The following PARD3B variants were observed in gnomAD, a reference collection of about 807,000 sequenced individuals.
PARD3B encodes the protein partitioning defective 3 homolog B.
PARD3B carries 103 observed loss-of-function variants against 130.2 expected under a neutral mutation model. The ratio of observed to expected loss-of-function variants is 0.79; its 90% CI spans 0.67 to 0.93. The LOEUF (loss-of-function observed/expected upper bound fraction) is 0.93, where lower values mean the gene tolerates loss of function less well. Among genes scored for constraint, PARD3B ranks in the 40% least tolerant of loss-of-function variants. The pLI is 0.00. For missense variants in PARD3B, 1,609 were observed against 1,499.2 expected, an observed-to-expected ratio of 1.07 and a Z score of -1.21; for synonymous variants, 583 against 553.2, an observed-to-expected ratio of 1.05 and a Z score of -0.76.
At chr2:204,559,779 C>T (rs771836907) in intron 1 of PARD3B, among the ~76,000 whole-genome samples, 2 of 152,164 alleles carry the variant, frequency 1.3e-5, no homozygotes, top group Non-Finnish European at 2.9e-5. Flanking sequence ...CAAAGACTTG[C>T]AACCAACCCA....
intron 2 of PARD3B, among the ~76,000 whole-genome samples, chr2:204,819,569 C>A (rs2043263314): frequency 6.6e-6 from 1 of 152,146 alleles, no homozygotes; most frequent in South Asian, 2.1e-4. Flanking sequence ...AAGGAAGAGT[C>A]ATACATCTCT....
chr2:205,449,242 G>C (rs1450942713), intron 20 of PARD3B, among the ~76,000 whole-genome samples: 1 of 134,646 alleles, frequency 7.4e-6, no homozygotes, highest in African/African-American at 2.7e-5. Context: ...TTTTTTTGTT[G>C]TTTGGAGACA....
Position 204,787,580 on chromosome 2 carries a change from G to T in PARD3B, c.222+101298G>T, listed in dbSNP as rs549389227. 2.0e-4 allele frequency among the ~76,000 whole-genome samples: 30 copies of T among 152,222 alleles called. No homozygotes were observed. The East Asian group carries it at 3.9e-3, about 20-fold the overall frequency. ...CATGATACTAGCAAAGGTAGGCCTT[G>T]TTTCCCATGACCATGTAAGTGAAAG... On this transcript the variant is annotated intron_variant, in intron 2 of 22. Coordinates refer to ENST00000406610, the MANE Select transcript of PARD3B (RefSeq NM_001302769.2).
intron 4 of PARD3B, among the ~76,000 whole-genome samples, chr2:205,076,551 T>G (rs1410660678): frequency 1.3e-5 from 2 of 152,168 alleles, no homozygotes; most frequent in Non-Finnish European, 2.9e-5. Flanking sequence ...GGACTAGTAC[T>G]GGTCCATGGC....
At chr2:204,993,834 T>C (rs535735958) in intron 3 of PARD3B, among the ~76,000 whole-genome samples, 11,484 of 131,002 alleles carry the variant, frequency 0.088, 474 homozygotes, top group African/African-American at 0.093. Flanking sequence ...AGGAATGTAT[T>C]CATTTCTTCT....
At chr2:204,679,988 C>T (rs576952480) in intron 1 of PARD3B, among the ~76,000 whole-genome samples, 1 of 152,036 alleles carries the variant, frequency 6.6e-6, no homozygotes, top group East Asian at 1.9e-4. Flanking sequence ...TTTTTACCTA[C>T]ATATCCATGA....
At chr2:204,912,011 T>C (rs1043393651) in intron 2 of PARD3B, among the ~76,000 whole-genome samples, 1 of 149,244 alleles carries the variant, frequency 6.7e-6, no homozygotes, top group African/African-American at 2.5e-5. Context: ...AAACATGTTA[T>C]TAGCTGTAAT....
chr2:204,792,279 A>G (rs2042227757), intron 2 of PARD3B, among the ~76,000 whole-genome samples: 1 of 152,226 alleles, frequency 6.6e-6, no homozygotes. Context: ...ATCAGAACAT[A>G]TTGTATTTCA....
chr2:205,031,262 A>C (rs1053482355), intron 3 of PARD3B, among the ~76,000 whole-genome samples: 2 of 152,068 alleles, frequency 1.3e-5, no homozygotes. Context: ...GCGTTTTCCA[A>C]TCTAGATGGA....
chr2:204,802,086 G>A (rs954230327), intron 2 of PARD3B, among the ~76,000 whole-genome samples: 2 of 152,164 alleles, frequency 1.3e-5, no homozygotes, highest in African/African-American at 4.8e-5. Flanking sequence ...GATTTTTGAT[G>A]TACTGCTGGA....
intron 2 of PARD3B, among the ~76,000 whole-genome samples, chr2:204,712,607 C>G (rs1230730487): frequency 7.1e-6 from 1 of 140,514 alleles, no homozygotes; most frequent in Non-Finnish European, 1.5e-5. Flanking sequence ...GAGCAAGACC[C>G]CATCTCAAAA....
At chr2:205,423,920 G>A (rs896696255) in intron 19 of PARD3B, among the ~76,000 whole-genome samples, 1 of 152,016 alleles carries the variant, frequency 6.6e-6, no homozygotes, top group Non-Finnish European at 1.5e-5. Context: ...ACACACACTG[G>A]GGCCTTTTGG....
At chr2:204,704,745 T>C (rs2038055559) in intron 2 of PARD3B, among the ~76,000 whole-genome samples, 1 of 152,170 alleles carries the variant, frequency 6.6e-6, no homozygotes, top group South Asian at 2.1e-4. Flanking sequence ...AGGGGGCCAC[T>C]AATTTTTTTC....
At chr2:204,786,582 G>A (rs1353532593) in intron 2 of PARD3B, among the ~76,000 whole-genome samples, 1 of 151,828 alleles carries the variant, frequency 6.6e-6, no homozygotes, top group African/African-American at 2.4e-5. Flanking sequence ...ATTACCAGGG[G>A]AGGTCACTGG....
At chr2:205,391,746 G>A (rs2045867048) in intron 18 of PARD3B, among the ~76,000 whole-genome samples, 1 of 152,136 alleles carries the variant, frequency 6.6e-6, no homozygotes, top group Admixed American at 6.5e-5. Flanking sequence ...GCTTTTTAGA[G>A]TCCCTGTTTG....
chr2:204,956,393 T>C (rs1264296780), intron 2 of PARD3B, among the ~76,000 whole-genome samples: 1 of 152,196 alleles, frequency 6.6e-6, no homozygotes, highest in Non-Finnish European at 1.5e-5. Flanking sequence ...ACTTTAGAAA[T>C]ATTTTCCATA....
At chr2:205,553,762 C>T (rs956752447) in intron 22 of PARD3B, among the ~76,000 whole-genome samples, 2 of 152,038 alleles carry the variant, frequency 1.3e-5, no homozygotes, top group Admixed American at 6.6e-5. Context: ...CGAGGAATGG[C>T]GGGCCAGTCT....
At chr2:205,073,219 A>G (rs904274595) in intron 4 of PARD3B, among the ~76,000 whole-genome samples, 1 of 152,176 alleles carries the variant, frequency 6.6e-6, no homozygotes, top group African/African-American at 2.4e-5. Context: ...TAAATGTAAA[A>G]TAAAGCTATT....
At chr2:205,095,523 G>T (rs906650210) in intron 4 of PARD3B, among the ~76,000 whole-genome samples, 1 of 152,114 alleles carries the variant, frequency 6.6e-6, no homozygotes, top group Non-Finnish European at 1.5e-5. Flanking sequence ...TTAGCCTTAT[G>T]TTGAAAGATT....
Sources: gnomAD v4.1 joint callset for allele counts (sites outside exome capture counted in the v4.1 genomes callset) on GRCh38, gnomAD v4.1.1 for gene constraint, MANE v1.5 for transcripts, NCBI Gene and HGNC (gene_info 2026-07-23, HGNC 2026-07-21) for gene names.